RIMS1: variants seen among roughly 807,000 people sequenced by gnomAD.
RIMS1 encodes regulating synaptic membrane exocytosis protein 1.
In RIMS1, 83 loss-of-function variants were observed where a neutral mutation model predicts 214.1. That is an observed-to-expected ratio of 0.39 (90% CI 0.32 to 0.47). RIMS1 has a LOEUF of 0.47. Among genes scored for constraint, RIMS1 ranks in the 20% least tolerant of loss-of-function variants. The pLI is 0.99. For missense variants in RIMS1, 2,050 were observed against 2,161.8 expected, an observed-to-expected ratio of 0.95 and a Z score of 1.03; for synonymous variants, 793 against 786.8, an observed-to-expected ratio of 1.01 and a Z score of -0.13.
Position 72,265,068 on chromosome 6 carries a change from G to A in RIMS1, c.3194+16G>A. On this transcript the variant is annotated intron_variant, in intron 20 of 33. Transcript: ENST00000521978. ...ATATTTACAGGTAAGAGCCCTAACA[G>A]TGAGTCCCACCCAGTTATAAAGTAA... The A allele has an allele frequency of 6.8e-7, 1 of 1,469,522 alleles. No individual in the cohort carries two copies. The highest frequency in any genetic ancestry group is 9.4e-7 in the Non-Finnish European group (1 of 1,060,838). 91.0% of individuals were successfully genotyped at this position (1,469,522 alleles called of 1,614,324 possible). A position where few individuals can be genotyped will look rare whatever the true frequency, so the allele number is the denominator to read the frequency against.
rs184663225 is a variant in RIMS1 at position 72,161,960 on chromosome 6, G to T, written c.472-17615G>T. 9.7e-4 allele frequency among the ~76,000 whole-genome samples: 136 copies of T among 140,762 alleles called. 6 individuals are homozygous for T. The highest frequency in any genetic ancestry group is 3.3e-3 in the African/African-American group (136 of 40,742). 92.3% of individuals were successfully genotyped at this position (140,762 alleles called of 152,430 possible). A position where few individuals can be genotyped will look rare whatever the true frequency, so the allele number is the denominator to read the frequency against. ...GATATCCTTGTTAACTTTCTGTCTT[G>T]TTGACCTGTCAATTGTTGATAGTGG... On this transcript the variant is annotated intron_variant, in intron 4 of 33. Transcript: ENST00000521978.
At chr6:72,070,332 A>G (rs566382476) in intron 2 of RIMS1, among the ~76,000 whole-genome samples, 28 of 152,300 alleles carry the variant, frequency 1.8e-4, no homozygotes, top group Non-Finnish European at 3.8e-4. Flanking sequence ...ATATTATTAC[A>G]TTGATGAACT....
chr6:72,217,165 GTTAACCACTCCGATGCTGCTGTTAT>G lies in RIMS1; in HGVS notation c.1679-16607_1679-16583del, dbSNP rs1301125526. The G allele has an allele frequency of 1.3e-5, 20 of 1,536,370 alleles. No individual in the cohort carries two copies. In the Admixed American group the frequency reaches 3.9e-4, roughly 30 times the overall value. On this transcript the variant is annotated intron_variant, in intron 6 of 33. Coordinates refer to ENST00000521978, the MANE Select transcript of RIMS1 (RefSeq NM_014989.7). ...AATGATTTGATGCCAGTGGCATTTA[GTTAACCACTCCGATGCTGCTGTTAT>G]GTTTGCTGGGTTTCTGCAGTTTCTA...
chr6:72,268,067 G>A (rs973551468), intron 22 of RIMS1, among the ~76,000 whole-genome samples: 3 of 152,098 alleles, frequency 2.0e-5, no homozygotes, highest in African/African-American at 7.2e-5. Context: ...ATTATTTTAT[G>A]TAATGTAAAA....
At chr6:72,331,531 G>A (rs2096658202) in intron 28 of RIMS1, among the ~76,000 whole-genome samples, 1 of 151,774 alleles carries the variant, frequency 6.6e-6, no homozygotes, top group Non-Finnish European at 1.5e-5. Flanking sequence ...AATTCTGCAA[G>A]TAAAATAGTA....
intron 30 of RIMS1, among the ~76,000 whole-genome samples, chr6:72,391,649 T>G (rs2098704571): frequency 6.6e-6 from 1 of 152,230 alleles, no homozygotes; most frequent in Non-Finnish European, 1.5e-5. Context: ...AGTTACTGTT[T>G]GTGATATTCC....
chr6:71,923,572 CTT>C (rs1173174051), intron 1 of RIMS1, among the ~76,000 whole-genome samples: 3 of 146,142 alleles, frequency 2.1e-5, no homozygotes, highest in East Asian at 2.0e-4. Flanking sequence ...TGTGACTTTT[CTT>C]TTTTTTTTTT....
intron 6 of RIMS1, among the ~76,000 whole-genome samples, chr6:72,195,301 G>A (rs1402048291): frequency 6.6e-6 from 1 of 152,122 alleles, no homozygotes; most frequent in East Asian, 1.9e-4. Context: ...TTTGTGAATG[G>A]CTTCAGATGT....
At chr6:72,144,240 C>A (rs921130529) in intron 4 of RIMS1, among the ~76,000 whole-genome samples, 5 of 152,180 alleles carry the variant, frequency 3.3e-5, no homozygotes, top group Non-Finnish European at 7.3e-5. Context: ...CTCAAGATTA[C>A]TTCTTGCCAA....
At chr6:72,005,297 G>C (rs765715578) in intron 2 of RIMS1, among the ~76,000 whole-genome samples, 1 of 152,204 alleles carries the variant, frequency 6.6e-6, no homozygotes, top group East Asian at 1.9e-4. Flanking sequence ...TTTGAAGTCA[G>C]GTAGCGTGAT....
chr6:71,979,022 G>A (rs1451988390), intron 2 of RIMS1, among the ~76,000 whole-genome samples: 2 of 152,006 alleles, frequency 1.3e-5, no homozygotes, highest in Non-Finnish European at 2.9e-5. Flanking sequence ...GCTGGCTTAT[G>A]CAAATCGTTC....
At chr6:72,067,860 G>A (rs147051171) in intron 2 of RIMS1, among the ~76,000 whole-genome samples, 139 of 152,306 alleles carry the variant, frequency 9.1e-4, no homozygotes, top group African/African-American at 3.0e-3. Flanking sequence ...TGTGAGTCAA[G>A]TACTTTTAAA....
chr6:71,983,019 G>C (rs1413427633), intron 2 of RIMS1, among the ~76,000 whole-genome samples: 2 of 152,048 alleles, frequency 1.3e-5, no homozygotes, highest in Non-Finnish European at 2.9e-5. Flanking sequence ...GCCACTGCTT[G>C]TTTTAATATC....
intron 2 of RIMS1, among the ~76,000 whole-genome samples, chr6:72,082,174 G>T (rs1380605581): frequency 2.0e-5 from 3 of 152,120 alleles, no homozygotes; most frequent in African/African-American, 4.8e-5. Flanking sequence ...CTGCTTTTAA[G>T]AATCTGGATT....
chr6:72,024,900 GTTTT>G (rs777214787), intron 2 of RIMS1, among the ~76,000 whole-genome samples: 6 of 98,640 alleles, frequency 6.1e-5, no homozygotes, highest in African/African-American at 1.5e-4. Flanking sequence ...AAATCTGTGG[GTTTT>G]TTTTTTTTTT....
chr6:72,183,194 G>A (rs765907574), intron 6 of RIMS1, 45 bp downstream of exon 6: 11 of 1,566,216 alleles, frequency 7.0e-6, no homozygotes, highest in Non-Finnish European at 8.6e-6. Flanking sequence ...GCCAAGTGAA[G>A]AGGCGTGGGC....
Position 72,277,461 on chromosome 6 carries a change from A to G in RIMS1, c.3482+3029A>G, listed in dbSNP as rs571117735. ...GCTGGGCGCGGTGGCAGGCGCCTGTAGTCCCAGCTATTCGGGAGGCTCAGG... is the reference window on the plus strand; with the variant it reads ...GCTGGGCGCGGTGGCAGGCGCCTGTGGTCCCAGCTATTCGGGAGGCTCAGG... On this transcript the variant is annotated intron_variant, in intron 23 of 33. Coordinates refer to ENST00000521978, the MANE Select transcript of RIMS1 (RefSeq NM_014989.7). 1.2e-4 allele frequency among the ~76,000 whole-genome samples: 18 copies of G among 152,160 alleles called. No homozygotes were observed. The South Asian group carries it at 2.3e-3, about 19-fold the overall frequency.
At chr6:72,166,723 A>AAT (rs2046318794) in intron 4 of RIMS1, among the ~76,000 whole-genome samples, 1 of 141,784 alleles carries the variant, frequency 7.1e-6, no homozygotes, top group South Asian at 2.5e-4. Context: ...TTTAAAAAAA[A>AAT]AAAGTAACTC....
chr6:72,400,807 A>G lies in RIMS1; in HGVS notation c.*93A>G. The G allele has an allele frequency of 9.6e-7, 1 of 1,041,510 alleles. No homozygotes were observed. The highest frequency in any genetic ancestry group is 1.6e-5 in the African/African-American group (1 of 62,808). The allele number at this position is 1,041,510 out of a possible 1,614,324, so 64.5% of individuals were successfully genotyped here. A position where few individuals can be genotyped will look rare whatever the true frequency, so the allele number is the denominator to read the frequency against. On this transcript the variant is annotated 3_prime_UTR_variant, in exon 34 of 34. Coordinates refer to ENST00000521978, the MANE Select transcript of RIMS1 (RefSeq NM_014989.7). ...CATGATCGAAAGCATTGTTGGAGACAGACAATCAACTTGTGTTTTGCCTGT... is the reference window on the plus strand; with the variant it reads ...CATGATCGAAAGCATTGTTGGAGACGGACAATCAACTTGTGTTTTGCCTGT...
Sources: allele counts gnomAD v4.1 joint callset (sites outside exome capture counted in the v4.1 genomes callset), GRCh38; gene constraint gnomAD v4.1.1; transcripts MANE v1.5; gene names NCBI Gene and HGNC (gene_info 2026-07-23, HGNC 2026-07-21).